The following DNAH9 variants were observed in gnomAD, a reference collection of about 807,000 sequenced individuals.
DNAH9 encodes DNAH9 variant protein.
DNAH9 carries 345 observed loss-of-function variants against 471.6 expected under a neutral mutation model. That is an observed-to-expected ratio of 0.73 (90% CI 0.67 to 0.80). DNAH9 has a LOEUF of 0.80. DNAH9 is among the 30% of genes least tolerant of loss of function. The probability of loss-of-function intolerance (pLI) is 0.00; values close to 1 mark genes in which losing one functional copy is unlikely to be tolerated. For missense variants in DNAH9, 5,407 were observed against 5,609.2 expected (o/e 0.96, Z 1.15); for synonymous variants, 2,093 against 2,123.6 (o/e 0.99, Z 0.40).
intron 49 of DNAH9, among the ~76,000 whole-genome samples, chr17:11,851,810 A>G (rs1971429955): frequency 6.6e-6 from 1 of 151,758 alleles, no homozygotes; most frequent in South Asian, 2.1e-4. Context: ...TAAAACCAAA[A>G]GAGTCATGAT....
At chr17:11,825,009 A>G (rs1239448407) in intron 48 of DNAH9, among the ~76,000 whole-genome samples, 1 of 151,910 alleles carries the variant, frequency 6.6e-6, no homozygotes, top group African/African-American at 2.4e-5. Context: ...ACCTTCAGGA[A>G]ACATGAGATC....
chr17:11,852,064 C>G (rs1971443094), intron 49 of DNAH9, among the ~76,000 whole-genome samples: 1 of 152,160 alleles, frequency 6.6e-6, no homozygotes, highest in Non-Finnish European at 1.5e-5. Context: ...GTGCTGCCTA[C>G]CTCCCTGCCC....
intron 45 of DNAH9, among the ~76,000 whole-genome samples, chr17:11,820,160 A>G (rs146773089): frequency 8.9e-4 from 135 of 152,238 alleles, no homozygotes; most frequent in Middle Eastern, 3.4e-3. Flanking sequence ...ATCCATTTCA[A>G]TGTCATATTG....
In DNAH9 at chr17:11,603,182, G is replaced by A. The variant is rs554792683; in HGVS notation, c.417+4267G>A. ...CCAATGGGCTCCTCTTTAAATACACGACCTCTCGAACTGCTAAGTAAGCCT... is the reference window on the plus strand; with the variant it reads ...CCAATGGGCTCCTCTTTAAATACACAACCTCTCGAACTGCTAAGTAAGCCT... On this transcript the variant is annotated intron_variant, in intron 1 of 68. Transcript: ENST00000262442. Among the ~76,000 whole-genome samples the A allele has an allele frequency of 4.3e-4, 66 of 152,222 alleles. 1 individual carries two copies. The South Asian group carries it at 0.012, about 29-fold the overall frequency.
At chr17:11,947,361 T>C (rs1354330186) in intron 67 of DNAH9, among the ~76,000 whole-genome samples, 4 of 152,202 alleles carry the variant, frequency 2.6e-5, no homozygotes, top group African/African-American at 4.8e-5. Context: ...CCAGAAATTA[T>C]CTCCCTATGT....
chr17:11,822,639 G>A, intron 47 of DNAH9, 40 bp downstream of exon 47: 2 of 1,610,426 alleles, frequency 1.2e-6, no homozygotes, highest in African/African-American at 1.3e-5. Context: ...GTCCTTCCCA[G>A]ATGAGGGTAC....
chr17:11,880,917 A>G (rs1205545267), intron 54 of DNAH9, among the ~76,000 whole-genome samples: 2 of 152,170 alleles, frequency 1.3e-5, no homozygotes, highest in Non-Finnish European at 1.5e-5. Context: ...CAGACACTTC[A>G]CTGCCATCTG....
At chr17:11,791,762 G>A (rs1832657000) in intron 41 of DNAH9, among the ~76,000 whole-genome samples, 2 of 151,990 alleles carry the variant, frequency 1.3e-5, no homozygotes, top group Admixed American at 6.6e-5. Context: ...TTCTATAATC[G>A]AGACGTATAC....
chr17:11,741,064 CA>C (rs1409447922), intron 29 of DNAH9, among the ~76,000 whole-genome samples: 1 of 152,062 alleles, frequency 6.6e-6, no homozygotes, highest in Non-Finnish European at 1.5e-5. Flanking sequence ...TATATTTACC[CA>C]TATGTTCAGG....
At chr17:11,701,681 T>TTTTG (rs149059895) in intron 24 of DNAH9, among the ~76,000 whole-genome samples, 18,266 of 152,018 alleles carry the variant, frequency 0.12, 1,372 homozygotes, top group Middle Eastern at 0.18. Flanking sequence ...TTGTTTTGTT[T>TTTTG]TTTGTTTGTT....
rs553215511 is a variant in DNAH9, at chr17:11,929,201, A to AT, written c.11878-659dup. Among the ~76,000 whole-genome samples the AT allele has an allele frequency of 4.1e-3, 627 of 151,534 alleles. 1 individual carries two copies. Among genetic ancestry groups the AT allele is most frequent in the African/African-American group, 0.015 (599 of 41,260 alleles). On this transcript the variant is annotated intron_variant, in intron 62 of 68. Coordinates refer to ENST00000262442, the MANE Select transcript of DNAH9 (RefSeq NM_001372.4). ...AGGCGCCCACCACCATGCCCAGCTA[A>AT]TTTTTTGTATTTTTAGTAGAGACGG... is the stretch of plus-strand genomic sequence containing the variant.
intron 38 of DNAH9, among the ~76,000 whole-genome samples, chr17:11,770,159 C>T (rs1968144480): frequency 6.6e-6 from 1 of 152,180 alleles, no homozygotes; most frequent in Admixed American, 6.5e-5. Flanking sequence ...AGTTAGGAGC[C>T]ATAGCTTATA....
chr17:11,743,646 C>T (rs762145876), intron 30 of DNAH9, among the ~76,000 whole-genome samples: 22 of 152,156 alleles, frequency 1.4e-4, no homozygotes, highest in African/African-American at 3.4e-4. Context: ...ATTGTCTTCT[C>T]ACCTGAGCCT....
intron 43 of DNAH9, among the ~76,000 whole-genome samples, chr17:11,802,381 A>C (rs777605649): frequency 1.2e-4 from 18 of 152,134 alleles, no homozygotes; most frequent in Non-Finnish European, 2.2e-4. Flanking sequence ...TAATCCCAGC[A>C]CTTTGGGAGA....
At chr17:11,708,308 T>A (rs1312488523) in intron 26 of DNAH9, among the ~76,000 whole-genome samples, 1 of 152,170 alleles carries the variant, frequency 6.6e-6, no homozygotes, top group Non-Finnish European at 1.5e-5. Context: ...GCAAGGGAAG[T>A]TGACTTAGGG....
Position 11,704,432 on chromosome 17 carries a change from T to C in DNAH9, c.5381T>C (p.Ile1794Thr), listed in dbSNP as rs756436130. Residue 1794 changes from isoleucine to threonine, a missense_variant, in exon 25 of 69, where the codon ATT becomes ACT. Coordinates refer to ENST00000262442, the MANE Select transcript of DNAH9 (RefSeq NM_001372.4). ...GCCCGGGATGTGGTAGCCAAGATGA[T>C]TGCTCAGAAGGTGGGTCCCAAACAT... ...VHARDVVAKM[I>T]AQKVDNAQAF... 10 of 1,612,900 alleles carry C rather than the reference T, an allele frequency of 6.2e-6. No homozygotes were observed. In the East Asian group the frequency reaches 2.2e-4, roughly 36 times the overall value.
chr17:11,876,632 G>C (rs989685222), intron 53 of DNAH9, among the ~76,000 whole-genome samples: 3 of 152,168 alleles, frequency 2.0e-5, no homozygotes, highest in African/African-American at 4.8e-5. Flanking sequence ...AAAGTCGAAT[G>C]GTGTTTGCCA....
At chr17:11,836,896 C>G (rs1243862339) in intron 49 of DNAH9, among the ~76,000 whole-genome samples, 1 of 152,232 alleles carries the variant, frequency 6.6e-6, no homozygotes, top group East Asian at 1.9e-4. Context: ...CGTTCAAATA[C>G]TAGTTGCACT....
At chr17:11,961,811 G>A in intron 67 of DNAH9, 56 bp from the exon 68 acceptor site, 1 of 1,536,594 alleles carries the variant, frequency 6.5e-7, no homozygotes. Flanking sequence ...GAGGCCAGGT[G>A]TTTTCAGGGA....
Sources: allele counts gnomAD v4.1 joint callset (sites outside exome capture counted in the v4.1 genomes callset), GRCh38; gene constraint gnomAD v4.1.1; transcripts MANE v1.5; gene names NCBI Gene and HGNC (gene_info 2026-07-23, HGNC 2026-07-21).